Variants in SNX24 observed in about 807,000 individuals in gnomAD.
SNX24 encodes the protein sorting nexin 24.
Under a neutral mutation model 28.7 loss-of-function variants are expected in SNX24, and 22 were observed. The observed-to-expected ratio is 0.77, with a 90% CI of 0.55 to 1.10. SNX24 has a LOEUF of 1.10. SNX24 is among the 50% of genes least tolerant of loss of function. The probability of loss-of-function intolerance (pLI) is 0.00; values close to 1 mark genes in which losing one functional copy is unlikely to be tolerated. For missense variants in SNX24, 221 were observed against 201.1 expected (o/e 1.10, Z -0.60); for synonymous variants, 69 against 71.5 (o/e 0.96, Z 0.18).
chr5:122,913,536 C>G (rs1758007287), intron 1 of SNX24, among the ~76,000 whole-genome samples: 1 of 152,144 alleles, frequency 6.6e-6, no homozygotes, highest in Non-Finnish European at 1.5e-5. Context: ...GGGCTCCTCA[C>G]TTCTCAGACA....
chr5:123,020,691 T>C (rs1041586855), intron 5 of SNX24, among the ~76,000 whole-genome samples: 8 of 152,158 alleles, frequency 5.3e-5, no homozygotes, highest in Non-Finnish European at 8.8e-5. Flanking sequence ...AAAAAGAAAA[T>C]GTATTAGTTT....
intron 1 of SNX24, among the ~76,000 whole-genome samples, chr5:122,871,054 T>TG (rs1349231951): frequency 1.3e-5 from 2 of 152,224 alleles, no homozygotes; most frequent in African/African-American, 4.8e-5. Flanking sequence ...TAAAGGTCCC[T>TG]GGGTGATTGT....
intron 5 of SNX24, among the ~76,000 whole-genome samples, chr5:123,018,053 G>A (rs535962154): frequency 1.3e-5 from 2 of 152,106 alleles, no homozygotes; most frequent in Admixed American, 1.3e-4. Context: ...GAGGAGATGG[G>A]AGACACCAGG....
At chr5:122,932,204 G>C (rs1758985541) in intron 1 of SNX24, among the ~76,000 whole-genome samples, 1 of 152,172 alleles carries the variant, frequency 6.6e-6, no homozygotes. Context: ...CAAATGAACA[G>C]AATGATTTTT....
Position 122,926,228 on chromosome 5 carries a change from T to C in SNX24, c.61-10506T>C, listed in dbSNP as rs529688316. The stretch of plus-strand genomic sequence containing the variant: ...GGGAGAAGCACTCAAAAGCCTGTTA[T>C]AGGTGGCAGTGAGGGAACGTGCCTA... On this transcript the variant is annotated intron_variant, in intron 1 of 6. Coordinates refer to ENST00000261369, the MANE Select transcript of SNX24 (RefSeq NM_014035.4). Among the ~76,000 whole-genome samples the C allele has an allele frequency of 3.3e-5, 5 of 152,298 alleles. No individual in the cohort carries two copies. The East Asian group carries it at 7.7e-4, about 24-fold the overall frequency.
At chr5:122,868,333 C>T (rs942261572) in intron 1 of SNX24, among the ~76,000 whole-genome samples, 1 of 152,142 alleles carries the variant, frequency 6.6e-6, no homozygotes. Flanking sequence ...ACACACTGTT[C>T]ATGATGGCCA....
At chr5:122,990,676 A>G (rs1761805812) in intron 3 of SNX24, among the ~76,000 whole-genome samples, 3 of 152,186 alleles carry the variant, frequency 2.0e-5, no homozygotes, top group Admixed American at 1.3e-4. Flanking sequence ...TGTAGGGAAC[A>G]TTTTATAAGC....
chr5:122,984,062 T>C (rs941782211), intron 3 of SNX24, among the ~76,000 whole-genome samples: 1 of 152,218 alleles, frequency 6.6e-6, no homozygotes. Context: ...ATGCCTATTC[T>C]ATCAAAACTG....
intron 1 of SNX24, among the ~76,000 whole-genome samples, chr5:122,901,195 C>T (rs1757432832): frequency 6.8e-6 from 1 of 146,702 alleles, no homozygotes; most frequent in African/African-American, 2.5e-5. Flanking sequence ...GAGCAAAACT[C>T]CATCTCAAAA....
chr5:123,020,380 T>C (rs971320546), intron 5 of SNX24, among the ~76,000 whole-genome samples: 1 of 152,240 alleles, frequency 6.6e-6, no homozygotes, highest in Non-Finnish European at 1.5e-5. Context: ...ATTTGCTTTA[T>C]GAGAATGTGT....
intron 1 of SNX24, among the ~76,000 whole-genome samples, chr5:122,855,246 A>T (rs1301826725): frequency 1.3e-5 from 2 of 151,910 alleles, no homozygotes; most frequent in African/African-American, 4.8e-5. Flanking sequence ...TAATTTTTGT[A>T]TTTTTAGTAG....
intron 1 of SNX24, among the ~76,000 whole-genome samples, chr5:122,896,897 C>T (rs1352531767): frequency 1.3e-5 from 2 of 152,202 alleles, no homozygotes. Flanking sequence ...AGGTTTAACT[C>T]TAACCACCAA....
intron 1 of SNX24, among the ~76,000 whole-genome samples, chr5:122,895,071 T>G (rs1249862430): frequency 2.0e-5 from 3 of 151,950 alleles, no homozygotes; most frequent in Non-Finnish European, 4.4e-5. Context: ...GGAAATCTTT[T>G]TCTTGTTAGT....
intron 1 of SNX24, among the ~76,000 whole-genome samples, chr5:122,853,382 C>T (rs1755026632): frequency 6.6e-6 from 1 of 152,158 alleles, no homozygotes; most frequent in South Asian, 2.1e-4. Flanking sequence ...CCGCCTCGGC[C>T]TCCCAAAGTG....
chr5:122,881,352 G>A (rs112160582), intron 1 of SNX24, among the ~76,000 whole-genome samples: 79 of 152,284 alleles, frequency 5.2e-4, no homozygotes, highest in Non-Finnish European at 9.9e-4. Context: ...ACAGCTGTAT[G>A]AATGAAGTTA....
At position 122,985,073 on chromosome 5, in the gene SNX24, A is replaced by T. The variant is rs114977863; in HGVS notation, c.250-14839A>T. On this transcript the variant is annotated intron_variant, in intron 3 of 6. Coordinates refer to ENST00000261369, the MANE Select transcript of SNX24 (RefSeq NM_014035.4). ...CCATTTGATACAAAGCGAGAGCATT[A>T]CTGTTCTGTTTGGATTATTTTTCCC... Among the ~76,000 whole-genome samples, 1,157 of 152,302 alleles carry T rather than the reference A, an allele frequency of 7.6e-3. 10 individuals carry two copies. The highest frequency in any genetic ancestry group is 0.014 in the Middle Eastern group (4 of 294).
chr5:122,938,385 CTTATAA>C (rs1352433921), intron 2 of SNX24, among the ~76,000 whole-genome samples: 3 of 152,134 alleles, frequency 2.0e-5, no homozygotes, highest in Admixed American at 6.5e-5. Context: ...TTTACCTATT[CTTATAA>C]TTATATAATG....
At chr5:122,893,701 G>T (rs1341847604) in intron 1 of SNX24, among the ~76,000 whole-genome samples, 4 of 152,088 alleles carry the variant, frequency 2.6e-5, no homozygotes, top group Non-Finnish European at 5.9e-5. Context: ...AGCACATTTT[G>T]TCTTAGAATA....
chr5:122,989,953 C>A (rs1761763836), intron 3 of SNX24, among the ~76,000 whole-genome samples: 1 of 152,192 alleles, frequency 6.6e-6, no homozygotes, highest in South Asian at 2.1e-4. Context: ...ATCTTTCTTG[C>A]TATTGTGTTC....
Sources: allele counts gnomAD v4.1 joint callset (sites outside exome capture counted in the v4.1 genomes callset), GRCh38; gene constraint gnomAD v4.1.1; transcripts MANE v1.5; gene names NCBI Gene and HGNC (gene_info 2026-07-23, HGNC 2026-07-21).